Variants in VRK1 observed in about 807,000 individuals in gnomAD.
VRK1 encodes serine/threonine-protein kinase VRK1.
VRK1 carries 33 observed loss-of-function variants against 57.1 expected under a neutral mutation model. The observed-to-expected ratio is 0.58, with a 90% CI of 0.44 to 0.77. The LOEUF (loss-of-function observed/expected upper bound fraction) is 0.77. VRK1 is among the 30% of genes least tolerant of loss of function. The probability of loss-of-function intolerance (pLI) is 0.00; values close to 1 mark genes in which losing one functional copy is unlikely to be tolerated. For synonymous variants in VRK1, 137 were observed against 147.8 expected, an observed-to-expected ratio of 0.93 and a Z score of 0.53; for missense variants, 413 against 477.3, an observed-to-expected ratio of 0.87 and a Z score of 1.25.
intron 11 of VRK1, among the ~76,000 whole-genome samples, chr14:96,861,909 T>C (rs1340457940): frequency 2.0e-5 from 3 of 152,226 alleles, no homozygotes. Context: ...ACTTACTCTT[T>C]GCATACATGC....
chr14:96,806,621 C>T (rs916932978), intron 1 of VRK1, among the ~76,000 whole-genome samples: 9 of 152,054 alleles, frequency 5.9e-5, no homozygotes, highest in Non-Finnish European at 1.0e-4. Flanking sequence ...TAAAATAATA[C>T]CTATCTTAGA....
At chr14:96,842,420 G>A (rs1044448300) in intron 3 of VRK1, among the ~76,000 whole-genome samples, 1 of 152,082 alleles carries the variant, frequency 6.6e-6, no homozygotes, top group Non-Finnish European at 1.5e-5. Context: ...ATTAAAGATC[G>A]TGTTTTCAAA....
intron 11 of VRK1, among the ~76,000 whole-genome samples, chr14:96,871,358 A>G (rs35287803): frequency 0.011 from 1,686 of 152,306 alleles, 28 homozygotes; most frequent in Admixed American, 0.046. Context: ...ACAAGTAGAC[A>G]ACAACAACAA....
chr14:96,808,033 G>GTGTGTGTA (rs2139687941), intron 1 of VRK1, among the ~76,000 whole-genome samples: 2 of 80,748 alleles, frequency 2.5e-5, no homozygotes, highest in South Asian at 7.3e-4. Flanking sequence ...GTGTGTGTGT[G>GTGTGTGTA]TGTGTGTGTG....
chr14:96,803,495 CTT>C (rs1211750121), intron 1 of VRK1, among the ~76,000 whole-genome samples: 4 of 152,174 alleles, frequency 2.6e-5, no homozygotes, highest in Non-Finnish European at 5.9e-5. Context: ...TATAATTACT[CTT>C]AGTATTGTTG....
At chr14:96,798,266 C>G (rs570770396) in intron 1 of VRK1, among the ~76,000 whole-genome samples, 1 of 152,224 alleles carries the variant, frequency 6.6e-6, no homozygotes, top group African/African-American at 2.4e-5. Context: ...TCAGGGGCAA[C>G]GCATAGTTTT....
chr14:96,797,760 G>A (rs1308025488), intron 1 of VRK1, among the ~76,000 whole-genome samples: 1 of 152,208 alleles, frequency 6.6e-6, no homozygotes, highest in Non-Finnish European at 1.5e-5. Flanking sequence ...GGCCGAGCTC[G>A]CAAACGCCGC....
intron 1 of VRK1, among the ~76,000 whole-genome samples, chr14:96,801,693 A>T (rs776497099): frequency 6.6e-6 from 1 of 152,254 alleles, no homozygotes; most frequent in Non-Finnish European, 1.5e-5. Context: ...AACAATTAAC[A>T]CATATTTGTA....
At chr14:96,840,533 C>T (rs1241649989) in intron 3 of VRK1, among the ~76,000 whole-genome samples, 1 of 152,142 alleles carries the variant, frequency 6.6e-6, no homozygotes, top group Non-Finnish European at 1.5e-5. Context: ...ATCAGAGGAA[C>T]TAAAGTTCTT....
intron 1 of VRK1, among the ~76,000 whole-genome samples, chr14:96,816,987 A>T (rs1215522198): frequency 6.6e-6 from 1 of 152,210 alleles, no homozygotes; most frequent in African/African-American, 2.4e-5. Context: ...ATTTATTTTT[A>T]AAAAGTACCT....
At chr14:96,854,570 A>G (rs1034675825) in intron 7 of VRK1, among the ~76,000 whole-genome samples, 1 of 152,186 alleles carries the variant, frequency 6.6e-6, no homozygotes, top group Non-Finnish European at 1.5e-5. Flanking sequence ...ACCCACATGT[A>G]TATGCCCACG....
intron 11 of VRK1, among the ~76,000 whole-genome samples, chr14:96,868,705 A>AT (rs769028378): frequency 1.3e-5 from 2 of 152,262 alleles, no homozygotes; most frequent in African/African-American, 2.4e-5. Flanking sequence ...GGACATGCTT[A>AT]TAAGAAGTAC....
chr14:96,831,948 A>G (rs1887020941), intron 1 of VRK1, among the ~76,000 whole-genome samples: 1 of 152,212 alleles, frequency 6.6e-6, no homozygotes, highest in Non-Finnish European at 1.5e-5. Context: ...CTTGGTTGGC[A>G]CAGAAATTCC....
intron 1 of VRK1, among the ~76,000 whole-genome samples, chr14:96,831,057 A>G (rs1242018383): frequency 6.6e-6 from 1 of 152,158 alleles, no homozygotes; most frequent in East Asian, 1.9e-4. Context: ...TGGGAGTGGC[A>G]GAGCCCTTCT....
At chr14:96,867,566 T>A (rs1888635186) in intron 11 of VRK1, among the ~76,000 whole-genome samples, 1 of 152,130 alleles carries the variant, frequency 6.6e-6, no homozygotes, top group African/African-American at 2.4e-5. Flanking sequence ...AAAGGCTTAA[T>A]GCCTGTCTTA....
In VRK1 at chr14:96,813,590, C is replaced by T. The variant is rs140677168; in HGVS notation, c.-6+16143C>T. Among the ~76,000 whole-genome samples, 73 of 152,026 alleles carry T rather than the reference C, an allele frequency of 4.8e-4. 2 individuals are homozygous for T. In the East Asian group the frequency reaches 7.3e-3, roughly 15 times the overall value. The stretch of plus-strand genomic sequence containing the variant: ...ACATCAGTGATTTATTTCATTACTA[C>T]GTTTGTCCTTTGGATTTTTGGAAGT... On this transcript the variant is annotated intron_variant, in intron 1 of 12. Coordinates refer to ENST00000216639, the MANE Select transcript of VRK1 (RefSeq NM_003384.3).
chr14:96,841,734 C>T (rs1887469147), intron 3 of VRK1, among the ~76,000 whole-genome samples: 1 of 151,776 alleles, frequency 6.6e-6, no homozygotes, highest in African/African-American at 2.4e-5. Context: ...ACTCAGGAGG[C>T]TGAGGCAGGA....
intron 1 of VRK1, among the ~76,000 whole-genome samples, chr14:96,798,950 A>T (rs1171306968): frequency 6.6e-6 from 1 of 152,236 alleles, no homozygotes; most frequent in Non-Finnish European, 1.5e-5. Context: ...TCTACATCTC[A>T]ACATTGCTGA....
At chr14:96,840,978 C>T (rs1436408960) in intron 3 of VRK1, among the ~76,000 whole-genome samples, 1 of 151,894 alleles carries the variant, frequency 6.6e-6, no homozygotes, top group African/African-American at 2.4e-5. Flanking sequence ...ACCTCAGCCT[C>T]TCTAGCAGCT....
Sources: gnomAD v4.1 joint callset for allele counts (sites outside exome capture counted in the v4.1 genomes callset) on GRCh38, gnomAD v4.1.1 for gene constraint, MANE v1.5 for transcripts, NCBI Gene and HGNC (gene_info 2026-07-23, HGNC 2026-07-21) for gene names.